Variants in KCTD3 observed in about 807,000 individuals in gnomAD.
KCTD3 encodes BTB/POZ domain-containing protein KCTD3.
A neutral mutation model predicts 85.8 loss-of-function variants in KCTD3; 41 were observed. The observed-to-expected ratio is 0.48, with a 90% CI of 0.37 to 0.62. The LOEUF is 0.62. KCTD3 is among the 20% of genes least tolerant of loss of function. The pLI is 0.00. For synonymous variants in KCTD3, 338 were observed against 345.4 expected (o/e 0.98, Z 0.24); for missense variants, 724 against 989.9 (o/e 0.73, Z 3.60).
rs1023686454 is a variant in KCTD3, at chr1:215,573,808, C to T, written c.106C>T (p.Leu36Phe). ...CAGATTTAGTACCTCAAGACAAACT[C>T]TTATGTGGATTCCAGATTCTTTTTT... ...GTRFSTSRQT[L>F]MWIPDSFFSS... Residue 36 changes from leucine to phenylalanine, a missense_variant, in exon 2 of 18, where the codon CTT (leucine) becomes TTT (phenylalanine). Leu to Phe is a conservative substitution (Grantham distance 22). This residue lies in a region of KCTD3 where 97 missense variants were observed against 115.7 expected (regional missense o/e 0.84). Transcript: ENST00000259154. 6 of 1,577,006 alleles carry T rather than the reference C, an allele frequency of 3.8e-6. No homozygotes were observed. The highest frequency in any genetic ancestry group is 1.4e-5 in the African/African-American group (1 of 73,992).
chr1:215,580,475 C>G lies in KCTD3; in HGVS notation c.626+476C>G, dbSNP rs534266496. ...TTGCACAAGTGGTATAGTTTAATAT[C>G]TAATATGTGAAACTTACAAAGAAGT... On this transcript the variant is annotated intron_variant, in intron 8 of 17. Transcript: ENST00000259154. Among the ~76,000 whole-genome samples the G allele has an allele frequency of 4.1e-5, 6 of 146,976 alleles. No homozygotes were observed. In the South Asian group the frequency reaches 1.2e-3, roughly 30 times the overall value.
In KCTD3 at chr1:215,608,240, A is replaced by G. The variant is rs148000300; in HGVS notation, c.1465+68A>G. The stretch of plus-strand genomic sequence containing the variant: ...CTGTTCAGAAGAAGCATATCAACTA[A>G]TAAAACCACAAAAATGAGTTTTAAA... On this transcript the variant is annotated intron_variant, in intron 14 of 17. Transcript: ENST00000259154. 6.9e-3 allele frequency: 6,735 copies of G among 982,712 alleles called. 34 individuals carry two copies. The highest frequency in any genetic ancestry group is 8.4e-3 in the Non-Finnish European group (5,934 of 709,168). 60.9% of individuals were successfully genotyped at this position (982,712 alleles called of 1,614,324 possible).
chr1:215,579,546 T>A (rs939632641), intron 7 of KCTD3, among the ~76,000 whole-genome samples: 8 of 151,968 alleles, frequency 5.3e-5, no homozygotes, highest in African/African-American at 1.9e-4. Flanking sequence ...TCGCTCAGGC[T>A]GGAGTGCAGT....
Position 215,620,551 on chromosome 1 carries a change from C to T in KCTD3, c.2381C>T (p.Pro794Leu). 1 of 1,613,548 alleles carries T rather than the reference C, an allele frequency of 6.2e-7. No individual in the cohort carries two copies. The highest frequency in any genetic ancestry group is 8.5e-7 in the Non-Finnish European group (1 of 1,179,718). The change falls in exon 18 of 18, where the codon CCT becomes CTT. Residue 794 changes from proline to leucine, a missense_variant. Pro to Leu is a moderately conservative substitution (Grantham distance 98). Around this residue, in one of 6 missense-constraint regions of KCTD3, gnomAD observed 222 missense variants for 217.7 expected, o/e 1.02. Coordinates refer to ENST00000259154, the MANE Select transcript of KCTD3 (RefSeq NM_016121.5). ...TCACCTGGTACTGCGTCCCCATCTC[C>T]TACAAAGACTACTCCATCTCCTCGG... ...TDSPGTASPS[P>L]TKTTPSPRHK... is the part of the protein sequence containing the mutation.
intron 15 of KCTD3, among the ~76,000 whole-genome samples, chr1:215,614,387 G>A (rs576565470): frequency 6.6e-6 from 1 of 152,250 alleles, no homozygotes; most frequent in Non-Finnish European, 1.5e-5. Context: ...GATAAGAATA[G>A]CATTGATGTA....
intron 4 of KCTD3, 89 bp downstream of exon 4, chr1:215,576,063 G>GC: frequency 1.6e-6 from 1 of 617,734 alleles, no homozygotes; most frequent in Non-Finnish European, 2.6e-6. Flanking sequence ...TTTTTTGTTT[G>GC]TTTTTTTTTT....
At chr1:215,581,558 A>G (rs1010959252) in intron 8 of KCTD3, among the ~76,000 whole-genome samples, 18 of 152,212 alleles carry the variant, frequency 1.2e-4, no homozygotes, top group Non-Finnish European at 2.9e-5. Context: ...TTGTTACTGT[A>G]CACAATACTA....
At chr1:215,607,001 T>C (rs915447052) in intron 13 of KCTD3, among the ~76,000 whole-genome samples, 12 of 151,946 alleles carry the variant, frequency 7.9e-5, no homozygotes, top group Non-Finnish European at 1.6e-4. Flanking sequence ...TGTCCCCTTT[T>C]CACCAGAAAA....
chr1:215,589,456 A>G (rs1300631626), intron 9 of KCTD3, among the ~76,000 whole-genome samples: 1 of 152,106 alleles, frequency 6.6e-6, no homozygotes, highest in Non-Finnish European at 1.5e-5. Context: ...CTTTTTGTTT[A>G]AACTCTTGGG....
intron 10 of KCTD3, 100 bp from the exon 11 acceptor site, chr1:215,601,767 G>T: frequency 1.5e-6 from 1 of 686,776 alleles, no homozygotes; most frequent in South Asian, 1.9e-5. Flanking sequence ...TTGGATATTG[G>T]TTGCCTCTTT....
At chr1:215,578,818 G>GT (rs1659684427) in intron 6 of KCTD3, among the ~76,000 whole-genome samples, 182 bp from the exon 7 acceptor site, 1 of 151,588 alleles carries the variant, frequency 6.6e-6, no homozygotes, top group Non-Finnish European at 1.5e-5. Flanking sequence ...CTTTGTCTTT[G>GT]TTTTTTTCAT....
At chr1:215,611,944 T>C in intron 15 of KCTD3, 23 bp downstream of exon 15, 1 of 1,490,234 alleles carries the variant, frequency 6.7e-7, no homozygotes, top group Middle Eastern at 1.7e-4. Flanking sequence ...TGTAAAAATA[T>C]TTGTATTCAG....
At chr1:215,586,455 G>A (rs773904451) in intron 8 of KCTD3, 40 bp from the exon 9 acceptor site, 7 of 1,503,728 alleles carry the variant, frequency 4.7e-6, no homozygotes, top group Non-Finnish European at 6.3e-6. Context: ...TTGCTTCATT[G>A]CTGCTGAGTC....
intron 8 of KCTD3, chr1:215,580,963 T>TAA (rs1558231139): frequency 2.1e-6 from 1 of 468,124 alleles, no homozygotes; most frequent in East Asian, 7.1e-5. Flanking sequence ...CAGACTTTTA[T>TAA]GTTTTAAGAG....
chr1:215,603,925 G>A (rs1458615066), intron 12 of KCTD3, among the ~76,000 whole-genome samples: 3 of 152,150 alleles, frequency 2.0e-5, no homozygotes, highest in Non-Finnish European at 4.4e-5. Context: ...GTCTTGGAGT[G>A]AGGGTTAGGA....
In KCTD3 at chr1:215,617,084, G is replaced by A. The variant is rs116075806; in HGVS notation, c.1563-1802G>A. ...AATAATAATAAACTGAGTTCAGAGC[G>A]CTTCCAGATAGCTGAAAACCTGGAG... On this transcript the variant is annotated intron_variant, in intron 15 of 17. Transcript: ENST00000259154. Among the ~76,000 whole-genome samples, 505 of 152,298 alleles carry A rather than the reference G, an allele frequency of 3.3e-3. 5 individuals carry two copies. Among genetic ancestry groups the A allele is most frequent in the African/African-American group, 0.011 (477 of 41,560 alleles).
At chr1:215,613,090 T>C (rs962015020) in intron 15 of KCTD3, among the ~76,000 whole-genome samples, 1 of 152,146 alleles carries the variant, frequency 6.6e-6, no homozygotes, top group Non-Finnish European at 1.5e-5. Context: ...CTATGGCACA[T>C]GTGTAACAGA....
At chr1:215,576,208 G>A (rs749264060) in intron 4 of KCTD3, among the ~76,000 whole-genome samples, 1 of 151,258 alleles carries the variant, frequency 6.6e-6, no homozygotes, top group African/African-American at 2.4e-5. Flanking sequence ...AGCTGGGACT[G>A]TAGGCACATG....
chr1:215,578,553 C>G (rs575535712), intron 6 of KCTD3, among the ~76,000 whole-genome samples: 1 of 152,268 alleles, frequency 6.6e-6, no homozygotes, highest in South Asian at 2.1e-4. Flanking sequence ...CTGATTTTAC[C>G]TGTGTTATAA....
Sources: allele counts gnomAD v4.1 joint callset (sites outside exome capture counted in the v4.1 genomes callset), GRCh38; gene constraint gnomAD v4.1.1; regional missense constraint gnomAD v4.1.1; transcripts MANE v1.5; gene names NCBI Gene and HGNC (gene_info 2026-07-23, HGNC 2026-07-21).